Variants in GPC6 observed in about 807,000 individuals in gnomAD.
GPC6 encodes glypican 6.
Under a neutral mutation model 55.2 loss-of-function variants are expected in GPC6, and 14 were observed. The ratio of observed to expected loss-of-function variants is 0.25; its 90% CI spans 0.17 to 0.40. GPC6 has a LOEUF of 0.40. Ranked by LOEUF, GPC6 falls within the 10% of genes least tolerant of loss-of-function variation. The pLI, the probability that GPC6 is intolerant of heterozygous loss-of-function variation, is 1.00. For synonymous variants in GPC6, 278 were observed against 259.6 expected (o/e 1.07, Z -0.68); for missense variants, 641 against 708.5 (o/e 0.90, Z 1.08).
At chr13:94,010,574 G>T (rs1234345238) in intron 3 of GPC6, among the ~76,000 whole-genome samples, 1 of 151,994 alleles carries the variant, frequency 6.6e-6, no homozygotes, top group Non-Finnish European at 1.5e-5. Context: ...CATTTTTATG[G>T]CAATATGCAA....
intron 4 of GPC6, among the ~76,000 whole-genome samples, chr13:94,153,834 G>T (rs1057145267): frequency 4.6e-5 from 7 of 152,154 alleles, no homozygotes; most frequent in African/African-American, 1.7e-4. Flanking sequence ...ATCCCCAGGT[G>T]ATTCTTATGT....
At chr13:94,185,455 T>C (rs1889144208) in intron 4 of GPC6, among the ~76,000 whole-genome samples, 1 of 151,962 alleles carries the variant, frequency 6.6e-6, no homozygotes, top group Non-Finnish European at 1.5e-5. Context: ...AGACAACGTG[T>C]ACATAGACAC....
At chr13:93,302,511 G>A (rs1210579787) in intron 1 of GPC6, among the ~76,000 whole-genome samples, 1 of 152,198 alleles carries the variant, frequency 6.6e-6, no homozygotes, top group Admixed American at 6.5e-5. Flanking sequence ...CATTGTTTGG[G>A]TATAGTGTAA....
intron 5 of GPC6, among the ~76,000 whole-genome samples, chr13:94,289,990 C>T (rs993621033): frequency 3.3e-5 from 5 of 152,100 alleles, no homozygotes; most frequent in Non-Finnish European, 7.4e-5. Context: ...ATAAAACAAA[C>T]AGGATTTGCC....
intron 3 of GPC6, among the ~76,000 whole-genome samples, chr13:93,952,884 A>G (rs560556671): frequency 4.8e-5 from 7 of 145,840 alleles, no homozygotes; most frequent in South Asian, 2.2e-4. Flanking sequence ...ACATATATAT[A>G]TGTGTGATAT....
At chr13:93,963,549 C>T (rs1293562197) in intron 3 of GPC6, among the ~76,000 whole-genome samples, 1 of 152,166 alleles carries the variant, frequency 6.6e-6, no homozygotes, top group Non-Finnish European at 1.5e-5. Context: ...AATATCAGTG[C>T]TGTTAATAAC....
At chr13:94,069,575 C>T (rs1566363380) in intron 4 of GPC6, among the ~76,000 whole-genome samples, 1 of 152,032 alleles carries the variant, frequency 6.6e-6, no homozygotes, top group East Asian at 1.9e-4. Context: ...GTACTGTTTC[C>T]CTTTTAAAAT....
intron 6 of GPC6, among the ~76,000 whole-genome samples, chr13:94,366,285 A>C (rs1373623771): frequency 6.6e-6 from 1 of 152,246 alleles, no homozygotes; most frequent in Non-Finnish European, 1.5e-5. Flanking sequence ...GAGCTATTAA[A>C]TATTGGAGTG....
At chr13:93,723,191 G>A (rs374274742) in intron 2 of GPC6, among the ~76,000 whole-genome samples, 1 of 151,914 alleles carries the variant, frequency 6.6e-6, no homozygotes, top group African/African-American at 2.4e-5. Flanking sequence ...ACAGTGCATT[G>A]TTGTAGGTAG....
chr13:94,204,593 C>A (rs989534276), intron 4 of GPC6, among the ~76,000 whole-genome samples: 1 of 152,134 alleles, frequency 6.6e-6, no homozygotes, highest in Non-Finnish European at 1.5e-5. Flanking sequence ...ATATCACCAA[C>A]ACATACAATA....
chr13:93,590,484 A>T (rs1042978579), intron 2 of GPC6, among the ~76,000 whole-genome samples: 17 of 152,186 alleles, frequency 1.1e-4, no homozygotes, highest in African/African-American at 4.1e-4. Flanking sequence ...CTAGTAATAT[A>T]ATTCTTATTG....
chr13:93,784,064 G>A (rs1200260733), intron 2 of GPC6, among the ~76,000 whole-genome samples: 2 of 152,122 alleles, frequency 1.3e-5, no homozygotes, highest in African/African-American at 4.8e-5. Context: ...ATTCTTCACT[G>A]CAGTGTCCCT....
intron 3 of GPC6, among the ~76,000 whole-genome samples, chr13:93,914,583 G>A (rs189383409): frequency 2.2e-4 from 34 of 152,200 alleles, no homozygotes; most frequent in African/African-American, 7.2e-4. Context: ...TTTTCTCATC[G>A]GTCTTATTCC....
chr13:94,141,995 T>TC (rs764110599), intron 4 of GPC6, among the ~76,000 whole-genome samples: 11 of 152,224 alleles, frequency 7.2e-5, no homozygotes, highest in South Asian at 2.1e-4. Context: ...CTTTTTTTTT[T>TC]CCGTGTGTGT....
At position 94,262,534 on chromosome 13, in the gene GPC6, G is replaced by A. The variant is rs144699687; in HGVS notation, c.878-23815G>A. ...CTAAAAATACAAAAATTAACTGGGC[G>A]TGGTGGTGCACACCTATAGTCCCAG... On this transcript the variant is annotated intron_variant, in intron 4 of 8. Transcript: ENST00000377047. Among the ~76,000 whole-genome samples the A allele has an allele frequency of 1.3e-3, 205 of 152,134 alleles. 1 individual carries two copies. Among genetic ancestry groups the A allele is most frequent in the African/African-American group, 4.4e-3 (184 of 41,508 alleles).
intron 4 of GPC6, among the ~76,000 whole-genome samples, chr13:94,260,654 G>C (rs1891630977): frequency 6.6e-6 from 1 of 152,096 alleles, no homozygotes. Flanking sequence ...CTGGAAGTTA[G>C]GACTTCAGCA....
intron 4 of GPC6, among the ~76,000 whole-genome samples, chr13:94,114,769 A>G (rs1886374969): frequency 6.6e-6 from 1 of 152,200 alleles, no homozygotes; most frequent in African/African-American, 2.4e-5. Context: ...AAGAGAAAAT[A>G]TTAAAAATGA....
Position 94,329,036 on chromosome 13 carries a change from G to C in GPC6, c.1152+22913G>C, listed in dbSNP as rs74103904. ...GCTCCTGAGGAAGAACCCCGGGGGG[G>C]GCTGAAATGGAGTTGGTGAGATACT... On this transcript the variant is annotated intron_variant, in intron 6 of 8. Coordinates refer to ENST00000377047, the MANE Select transcript of GPC6 (RefSeq NM_005708.5). Among the ~76,000 whole-genome samples the C allele has an allele frequency of 6.3e-3, 964 of 152,276 alleles. 27 individuals are homozygous for C. In the East Asian group the frequency reaches 0.1, roughly 16 times the overall value.
chr13:94,005,131 A>G (rs1015885873), intron 3 of GPC6, among the ~76,000 whole-genome samples: 5 of 152,246 alleles, frequency 3.3e-5, no homozygotes, highest in African/African-American at 1.2e-4. Flanking sequence ...GAGCCTAATT[A>G]GAAAGAAAGA....
Sources: allele counts gnomAD v4.1 joint callset (sites outside exome capture counted in the v4.1 genomes callset), GRCh38; gene constraint gnomAD v4.1.1; transcripts MANE v1.5; gene names NCBI Gene and HGNC (gene_info 2026-07-23, HGNC 2026-07-21).